Variants in ABCA9 observed in about 807,000 individuals in gnomAD.
ABCA9 encodes the protein ATP binding cassette subfamily A member 9.
A neutral mutation model predicts 205.3 loss-of-function variants in ABCA9; 183 were observed. The observed-to-expected ratio is 0.89, with a 90% CI of 0.79 to 1.01. ABCA9 has a LOEUF of 1.01. Among genes scored for constraint, ABCA9 ranks in the 50% least tolerant of loss-of-function variants. The probability of loss-of-function intolerance (pLI) is 0.00; values close to 1 mark genes in which losing one functional copy is unlikely to be tolerated. For missense variants in ABCA9, 1,805 were observed against 1,912.4 expected (o/e 0.94, Z 1.05); for synonymous variants, 651 against 683.3 (o/e 0.95, Z 0.74).
upstream of ABCA9, among the ~76,000 whole-genome samples, chr17:69,063,050 C>T (rs1355454652): frequency 6.6e-6 from 1 of 152,112 alleles, no homozygotes; most frequent in East Asian, 1.9e-4. Context: ...AAAGGTGAGG[C>T]CCAGGGAGTT....
At chr17:69,052,873 T>C (rs933536850) in intron 1 of ABCA9, among the ~76,000 whole-genome samples, 2 of 152,120 alleles carry the variant, frequency 1.3e-5, no homozygotes, top group African/African-American at 4.8e-5. Context: ...TTTGCTAGAG[T>C]AGCTCACAGA....
chr17:68,985,048 C>T lies in ABCA9; in HGVS notation c.4284+5G>A, dbSNP rs756513068. On this transcript the variant is annotated splice_donor_5th_base_variant and intron_variant, in intron 33 of 38. Transcript: ENST00000340001. ...TTGCAGAGCAACAACAAGCCCTGCC[C>T]GTACCTTTCGCTTTATTCCCTCTGA... is the stretch of plus-strand genomic sequence containing the variant. The T allele has an allele frequency of 6.2e-6, 10 of 1,614,214 alleles. No homozygotes were observed. In the South Asian group the frequency reaches 7.7e-5, roughly 12 times the overall value.
intron 25 of ABCA9, among the ~76,000 whole-genome samples, chr17:68,999,585 A>G (rs1295033884): frequency 6.8e-6 from 1 of 147,774 alleles, no homozygotes; most frequent in East Asian, 2.0e-4. Context: ...CGCAATAAAC[A>G]TACGTGTGCA....
At chr17:69,031,818 A>G (rs550028117) in intron 10 of ABCA9, among the ~76,000 whole-genome samples, 1 of 152,372 alleles carries the variant, frequency 6.6e-6, no homozygotes, top group African/African-American at 2.4e-5. Context: ...TCAGGGGAGA[A>G]AAACACAAAG....
intron 25 of ABCA9, among the ~76,000 whole-genome samples, chr17:68,999,576 G>A (rs1354895541): frequency 2.6e-4 from 38 of 145,232 alleles, no homozygotes; most frequent in African/African-American, 7.7e-4. Flanking sequence ...GAATAATGCC[G>A]CAATAAACAT....
At chr17:69,063,726 C>G (rs539080764), upstream of ABCA9, among the ~76,000 whole-genome samples, 2 of 152,204 alleles carry the variant, frequency 1.3e-5, no homozygotes, top group African/African-American at 4.8e-5. Context: ...GCGCCCGCCA[C>G]GATGCCCGGC....
chr17:69,078,451 CCT>C, the ABCA9 span, among the ~76,000 whole-genome samples: 2 of 152,164 alleles, frequency 1.3e-5, no homozygotes, highest in Non-Finnish European at 2.9e-5. Flanking sequence ...CCTGCCTCGG[CCT>C]CCCAAAGTGC....
chr17:69,023,763 C>T lies in ABCA9; in HGVS notation c.2281+451G>A, dbSNP rs775131701. On this transcript the variant is annotated intron_variant, in intron 17 of 38. Coordinates refer to ENST00000340001, the MANE Select transcript of ABCA9 (RefSeq NM_080283.4). The surrounding 1 kb of genome is among the most constrained non-coding windows in gnomAD (Gnocchi z 4.2). ...GTGTTTGGCAGAATGCACGCCAATC[C>T]AAGTTATGTTCAATAACTTGGATTA... Among the ~76,000 whole-genome samples the T allele has an allele frequency of 2.6e-5, 4 of 152,020 alleles. No homozygotes were observed. The highest frequency in any genetic ancestry group is 5.9e-5 in the Non-Finnish European group (4 of 68,010).
At chr17:69,061,980 C>T (rs2072267267), upstream of ABCA9, among the ~76,000 whole-genome samples, 1 of 152,036 alleles carries the variant, frequency 6.6e-6, no homozygotes, top group East Asian at 1.9e-4. Context: ...GTCTCATGGA[C>T]CATGATAACC....
chr17:69,046,891 ATATATATATATATAT>A (rs924714758), intron 3 of ABCA9, among the ~76,000 whole-genome samples: 1 of 106,270 alleles, frequency 9.4e-6, no homozygotes. Flanking sequence ...ATATATATAT[ATATATATATATATAT>A]ATATATAAAA....
In ABCA9 at chr17:69,023,836, ATTCTTTCAGCTCTTCTTCGATAGTCTG is replaced by A. The variant is rs572820887; in HGVS notation, c.2281+351_2281+377del. Among the ~76,000 whole-genome samples the A allele has an allele frequency of 0.012, 1,901 of 152,268 alleles. 35 individuals carry two copies. Among genetic ancestry groups the A allele is most frequent in the African/African-American group, 0.04 (1,663 of 41,536 alleles). On this transcript the variant is annotated intron_variant, in intron 17 of 38. Transcript: ENST00000340001. The surrounding 1 kb of genome is among the most constrained non-coding windows in gnomAD (Gnocchi z 4.2). ...TAAAACAACCTATTTATTGTGTACA[ATTCTTTCAGCTCTTCTTCGATAGTCTG>A]CCACTGTATTTATATACCTGTTCCT...
At chr17:68,978,462 A>G (rs544072592) in intron 37 of ABCA9, among the ~76,000 whole-genome samples, 4 of 152,254 alleles carry the variant, frequency 2.6e-5, no homozygotes, top group Non-Finnish European at 5.9e-5. Context: ...CATTTAGCCC[A>G]TTTACATTTA....
chr17:68,989,834 C>T lies in ABCA9; in HGVS notation c.3934G>A (p.Val1312Ile), dbSNP rs1567918926. ...KRKKKIATRN[V>I]SFCVKKGEVI... The stretch of plus-strand genomic sequence containing the variant: ...CAACCTTTTTTAACACAAAAAGAGA[C>T]ATTTCTTGTGGCAATTTTTTTCTTC... The change falls in exon 30 of 39, where the codon GTC becomes ATC. Residue 1312 changes from valine (V) to isoleucine (I), a missense_variant. By Grantham distance (29) the Val-to-Ile change is conservative. Transcript: ENST00000340001. 1 of 1,601,078 alleles carries T rather than the reference C, an allele frequency of 6.2e-7. No homozygotes were observed. The highest frequency in any genetic ancestry group is 1.1e-5 in the South Asian group (1 of 90,536).
At chr17:69,035,879 T>G in intron 6 of ABCA9, 78 bp from the exon 7 acceptor site, 4 of 1,497,522 alleles carry the variant, frequency 2.7e-6, no homozygotes, top group Non-Finnish European at 3.6e-6. Flanking sequence ...GCAAATGATT[T>G]GTGAAGCTCA....
chr17:69,008,937 A>C (rs183561374), intron 23 of ABCA9, among the ~76,000 whole-genome samples: 3 of 152,350 alleles, frequency 2.0e-5, no homozygotes, highest in African/African-American at 7.2e-5. Context: ...TCTAAAATTG[A>C]GTCTATATAA....
intron 25 of ABCA9, among the ~76,000 whole-genome samples, chr17:69,001,603 C>T (rs1381862759): frequency 1.3e-5 from 2 of 151,668 alleles, no homozygotes. Flanking sequence ...CTCTGCCCGG[C>T]TTTGGTATCA....
chr17:69,055,278 A>G (rs1272296731), intron 1 of ABCA9, among the ~76,000 whole-genome samples: 1 of 152,236 alleles, frequency 6.6e-6, no homozygotes, highest in Non-Finnish European at 1.5e-5. Context: ...ATATAAAGAC[A>G]CATATAGATT....
At chr17:69,004,346 C>T (rs998651482) in intron 25 of ABCA9, among the ~76,000 whole-genome samples, 1 of 152,100 alleles carries the variant, frequency 6.6e-6, no homozygotes, top group Non-Finnish European at 1.5e-5. Flanking sequence ...CGGACAGGAC[C>T]CTGAGCTGCA....
upstream of ABCA9, among the ~76,000 whole-genome samples, chr17:69,065,720 T>A (rs11871635): frequency 0.38 from 57,292 of 151,982 alleles, 11,042 homozygotes; most frequent in East Asian, 0.56. Flanking sequence ...TCCCACAAGG[T>A]GCCTTCCTTG....
Sources: allele counts gnomAD v4.1 joint callset (sites outside exome capture counted in the v4.1 genomes callset), GRCh38; gene constraint gnomAD v4.1.1; non-coding constraint Gnocchi (gnomAD v3.1); transcripts MANE v1.5; gene names NCBI Gene and HGNC (gene_info 2026-07-23, HGNC 2026-07-21).